Variants in KCNQ4 observed in about 807,000 individuals in gnomAD.
KCNQ4 encodes the protein potassium voltage-gated channel subfamily Q member 4, also known as potassium voltage-gated channel subfamily KQT member 4.
In KCNQ4, 31 loss-of-function variants were observed where a neutral mutation model predicts 72.6. The observed-to-expected ratio is 0.43, with a 90% CI of 0.32 to 0.58. The LOEUF is 0.58. Among genes scored for constraint, KCNQ4 ranks in the 20% least tolerant of loss-of-function variants. The pLI is 0.08. For missense variants in KCNQ4, 869 were observed against 962.6 expected (o/e 0.90, Z 1.29); for synonymous variants, 405 against 403.7 (o/e 1.00, Z -0.04).
At chr1:40,795,679 G>C (rs928304177) in intron 1 of KCNQ4, among the ~76,000 whole-genome samples, 1 of 152,054 alleles carries the variant, frequency 6.6e-6, no homozygotes, top group African/African-American at 2.4e-5. Context: ...AGAGACATAT[G>C]GGGGAGCGGG....
rs1449219638 is a variant in KCNQ4, at chr1:40,794,231, C to T, written c.314+9824C>T. ...CCTTTGCCCCAAGACCTGCAGAGCA[C>T]AGGGCCTTGATTGACAGGCTGTGGA... On this transcript the variant is annotated intron_variant, in intron 1 of 13. Transcript: ENST00000347132. The surrounding 1 kb of genome is among the most constrained non-coding windows in gnomAD (Gnocchi z 4.2). Among the ~76,000 whole-genome samples, 1 of 152,186 alleles carries T rather than the reference C, an allele frequency of 6.6e-6. No individual in the cohort carries two copies. Among genetic ancestry groups the T allele is most frequent in the Non-Finnish European group, 1.5e-5 (1 of 68,038 alleles).
At chr1:40,786,889 C>A (rs1179116944) in intron 1 of KCNQ4, among the ~76,000 whole-genome samples, 1 of 152,124 alleles carries the variant, frequency 6.6e-6, no homozygotes, top group East Asian at 1.9e-4. Context: ...GTTTCTCAGT[C>A]ACACTGCAGG....
Position 40,833,082 on chromosome 1 carries a change from C to A in KCNQ4, c.1582C>A (p.Pro528Thr). The change falls in exon 11 of 14, where the codon CCT becomes ACT. Residue 528 changes from proline to threonine, a missense_variant. This residue lies in a region of KCNQ4 where 480 missense variants were observed against 501.9 expected (regional missense o/e 0.96). Coordinates refer to ENST00000347132, the MANE Select transcript of KCNQ4 (RefSeq NM_004700.4). Reference protein sequence around the residue: ...QCELTVDDIMPAVKTVIRSIR... With the variant: ...QCELTVDDIMTAVKTVIRSIR... ...TGAGCTCACGGTGGACGACATCATG[C>A]CTGCTGTGAAGACAGTCATCCGCTC... 2 of 1,612,794 alleles carry A rather than the reference C, an allele frequency of 1.2e-6. No homozygotes were observed. Among genetic ancestry groups the A allele is most frequent in the Non-Finnish European group, 1.7e-6 (2 of 1,179,886 alleles).
At position 40,831,058 on chromosome 1, in the gene KCNQ4, C is replaced by G. The variant is rs1238507421; in HGVS notation, c.1293-26C>G. On this transcript the variant is annotated intron_variant, in intron 9 of 13. Coordinates refer to ENST00000347132, the MANE Select transcript of KCNQ4 (RefSeq NM_004700.4). ...ACCCCCAGCTCTGGCTAACTTGGCT[C>G]TCTCCCAACCTGCCTGCCCTGCCAG... 8 of 1,554,984 alleles carry G rather than the reference C, an allele frequency of 5.1e-6. 1 individual carries two copies. The highest frequency in any genetic ancestry group is 2.4e-5 in the South Asian group (2 of 84,620).
At chr1:40,792,964 G>GGGCCCCT (rs1254464721) in intron 1 of KCNQ4, among the ~76,000 whole-genome samples, 2 of 151,506 alleles carry the variant, frequency 1.3e-5, no homozygotes, top group Non-Finnish European at 2.9e-5. Context: ...CCTCCCCAAG[G>GGGCCCCT]GGCCCCTGTG....
intron 1 of KCNQ4, among the ~76,000 whole-genome samples, chr1:40,813,298 G>A (rs781516196): frequency 2.6e-5 from 4 of 152,214 alleles, no homozygotes; most frequent in South Asian, 2.1e-4. Context: ...CCCTGGCTGC[G>A]TTGAAGGGAG....
chr1:40,789,448 A>C (rs823671), intron 1 of KCNQ4, among the ~76,000 whole-genome samples: 38,649 of 151,964 alleles, frequency 0.25, 5,689 homozygotes, highest in African/African-American at 0.41. Context: ...GTGTGACCCA[A>C]ATTTTTCGTG....
chr1:40,788,380 C>A lies in KCNQ4; in HGVS notation c.314+3973C>A, dbSNP rs1341579637. Among the ~76,000 whole-genome samples, 2 of 152,164 alleles carry A rather than the reference C, an allele frequency of 1.3e-5. No individual in the cohort carries two copies. Among genetic ancestry groups the A allele is most frequent in the African/African-American group, 4.8e-5 (2 of 41,434 alleles). On this transcript the variant is annotated intron_variant, in intron 1 of 13. Coordinates refer to ENST00000347132, the MANE Select transcript of KCNQ4 (RefSeq NM_004700.4). The surrounding 1 kb of genome is among the most constrained non-coding windows in gnomAD (Gnocchi z 4.5). ...TCCTGCTTCCTTGTCCAGGACTGTT[C>A]GCTCCGTTCCTAGTGGCCACCGGGC...
chr1:40,796,992 G>A lies in KCNQ4; in HGVS notation c.314+12585G>A, dbSNP rs79945016. On this transcript the variant is annotated intron_variant, in intron 1 of 13. Transcript: ENST00000347132. ...GCTCCCACCCCGATTCTACCCTGGG[G>A]ACTCATTCCTTCCCTCTCTCGCCCT... Among the ~76,000 whole-genome samples, 439 of 152,292 alleles carry A rather than the reference G, an allele frequency of 2.9e-3. 3 individuals carry two copies. The highest frequency in any genetic ancestry group is 0.022 in the East Asian group (113 of 5,186).
At position 40,794,177 on chromosome 1, in the gene KCNQ4, C is replaced by A. The variant is rs997955562; in HGVS notation, c.314+9770C>A. On this transcript the variant is annotated intron_variant, in intron 1 of 13. Transcript: ENST00000347132. The surrounding 1 kb of genome is among the most constrained non-coding windows in gnomAD (Gnocchi z 4.2). ...GGTGAAGGGAACAGCAGAGCAAAGG[C>A]CTTGAGATGGGACTTCCTTCCCCTC... Among the ~76,000 whole-genome samples the A allele has an allele frequency of 6.6e-6, 1 of 152,130 alleles. No homozygotes were observed. The highest frequency in any genetic ancestry group is 2.1e-4 in the South Asian group (1 of 4,824).
intron 13 of KCNQ4, 122 bp downstream of exon 13, chr1:40,837,916 C>G (rs1236756297): frequency 7.4e-7 from 1 of 1,354,464 alleles, no homozygotes; most frequent in African/African-American, 1.5e-5. Context: ...CCTAAGAGCC[C>G]CCTCCCCGGC....
At chr1:40,811,100 G>A (rs547644638) in intron 1 of KCNQ4, among the ~76,000 whole-genome samples, 2 of 152,244 alleles carry the variant, frequency 1.3e-5, no homozygotes, top group Admixed American at 6.5e-5. Flanking sequence ...ATGATGGTAC[G>A]GTTCCATGGG....
At position 40,818,776 on chromosome 1, in the gene KCNQ4, C is replaced by G. The variant is rs532532941; in HGVS notation, c.708+96C>G. The G allele has an allele frequency of 5.1e-6, 7 of 1,380,436 alleles. No homozygotes were observed. In the South Asian group the frequency reaches 7.5e-5, roughly 15 times the overall value. 85.5% of individuals were successfully genotyped at this position (1,380,436 alleles called of 1,614,324 possible). A position where few individuals can be genotyped will look rare whatever the true frequency, so the allele number is the denominator to read the frequency against. ...GAGGGCGAGGTCAGAGGGGCTGTCT[C>G]CGTGCTGGGAAGGGGTGTGGCCTGC... is the stretch of plus-strand genomic sequence containing the variant. On this transcript the variant is annotated intron_variant, in intron 4 of 13. Transcript: ENST00000347132.
chr1:40,826,650 T>C (rs1342645694), intron 9 of KCNQ4: 1 of 455,994 alleles, frequency 2.2e-6, no homozygotes, highest in Non-Finnish European at 4.4e-6. Context: ...AGATGTTTAA[T>C]AATAAACGGA....
chr1:40,795,174 C>T (rs901012060), intron 1 of KCNQ4, among the ~76,000 whole-genome samples: 9 of 152,228 alleles, frequency 5.9e-5, no homozygotes, highest in African/African-American at 2.2e-4. Flanking sequence ...TCCCTGCTCA[C>T]CTCACGGGGC....
At chr1:40,789,564 G>A (rs1174256327) in intron 1 of KCNQ4, among the ~76,000 whole-genome samples, 3 of 151,918 alleles carry the variant, frequency 2.0e-5, no homozygotes, top group African/African-American at 4.8e-5. Context: ...TCCCCTTCAC[G>A]CTCCTTTGCC....
At chr1:40,838,271 C>G (rs55823554) in intron 13 of KCNQ4, 40 bp from the exon 14 acceptor site, 33 of 1,584,894 alleles carry the variant, frequency 2.1e-5, no homozygotes, top group African/African-American at 1.7e-4. Context: ...GCGTCCCCTC[C>G]GGTCCCAGGC....
In KCNQ4 at chr1:40,831,106, C is replaced by G; in HGVS notation, c.1315C>G (p.Arg439Gly). 1.9e-6 allele frequency: 3 copies of G among 1,602,052 alleles called. No individual in the cohort carries two copies. The highest frequency in any genetic ancestry group is 1.7e-6 in the Non-Finnish European group (2 of 1,174,362). ...GESSRMGIKD[R>G]IRMGSSQRRT... is the part of the protein sequence containing the mutation. ...CAGCAGCCGGATGGGCATCAAAGAC[C>G]GCATCCGCATGGGCAGCTCCCAGCG... The change falls in exon 10 of 14, where the codon CGC becomes GGC. Residue 439 changes from arginine (R) to glycine (G), a missense_variant. Around this residue, in one of 5 missense-constraint regions of KCNQ4, gnomAD observed 480 missense variants for 501.9 expected, o/e 0.96. Coordinates refer to ENST00000347132, the MANE Select transcript of KCNQ4 (RefSeq NM_004700.4).
At chr1:40,804,358 C>A (rs1245558979) in intron 1 of KCNQ4, among the ~76,000 whole-genome samples, 1 of 152,226 alleles carries the variant, frequency 6.6e-6, no homozygotes, top group Non-Finnish European at 1.5e-5. Context: ...CCAGGCCCAA[C>A]TCTGTCTCTG....
Sources: gnomAD v4.1 joint callset for allele counts (sites outside exome capture counted in the v4.1 genomes callset) on GRCh38, gnomAD v4.1.1 for gene constraint, gnomAD v4.1.1 regional missense constraint, Gnocchi (gnomAD v3.1) non-coding constraint, MANE v1.5 for transcripts, NCBI Gene and HGNC (gene_info 2026-07-23, HGNC 2026-07-21) for gene names.